Variants in PTPRA observed in about 807,000 individuals in gnomAD.
PTPRA encodes the protein receptor-type tyrosine-protein phosphatase alpha.
In PTPRA, 25 loss-of-function variants were observed where a neutral mutation model predicts 104.8. That is an observed-to-expected ratio of 0.24 (90% CI 0.17 to 0.33). The LOEUF is 0.33. Among genes scored for constraint, PTPRA ranks in the 10% least tolerant of loss-of-function variants. The pLI, the probability that PTPRA is intolerant of heterozygous loss-of-function variation, is 1.00. For synonymous variants in PTPRA, 323 were observed against 368.9 expected (o/e 0.88, Z 1.43); for missense variants, 765 against 1,015.3 (o/e 0.75, Z 3.35).
chr20:2,905,777 T>C (rs1398310575), intron 1 of PTPRA, among the ~76,000 whole-genome samples: 1 of 147,268 alleles, frequency 6.8e-6, no homozygotes, highest in Non-Finnish European at 1.5e-5. Context: ...CTCTGCCTCC[T>C]GGGTTCAAAT....
At chr20:3,000,060 C>T (rs753520265) in intron 9 of PTPRA, among the ~76,000 whole-genome samples, 15 of 151,822 alleles carry the variant, frequency 9.9e-5, no homozygotes, top group African/African-American at 2.4e-4. Flanking sequence ...CTGAGGTAGG[C>T]GGATCACAAG....
intron 2 of PTPRA, among the ~76,000 whole-genome samples, chr20:2,933,561 A>T (rs1429821962): frequency 6.6e-6 from 1 of 151,964 alleles, no homozygotes; most frequent in East Asian, 1.9e-4. Flanking sequence ...TCTGGGGTCA[A>T]ATGATTCTTG....
chr20:2,929,999 G>A (rs1178040), intron 2 of PTPRA, among the ~76,000 whole-genome samples: 96,621 of 151,996 alleles, frequency 0.64, 32,581 homozygotes, highest in East Asian at 0.88. Flanking sequence ...GCCATCTGCA[G>A]GCCAAGGAGA....
intron 1 of PTPRA, among the ~76,000 whole-genome samples, chr20:2,889,367 G>A (rs2058712044): frequency 6.6e-6 from 1 of 152,156 alleles, no homozygotes; most frequent in African/African-American, 2.4e-5. Flanking sequence ...TACACAGTCA[G>A]TCTGTCAGGC....
At chr20:2,887,946 C>G (rs2090471124) in intron 1 of PTPRA, among the ~76,000 whole-genome samples, 1 of 152,180 alleles carries the variant, frequency 6.6e-6, no homozygotes, top group Non-Finnish European at 1.5e-5. Flanking sequence ...CTTCCAGTGC[C>G]TCTTACCTCT....
At chr20:2,898,937 T>C (rs1401461128) in intron 1 of PTPRA, among the ~76,000 whole-genome samples, 4 of 152,260 alleles carry the variant, frequency 2.6e-5, no homozygotes, top group Non-Finnish European at 5.9e-5. Context: ...GGAACCCTGG[T>C]TCCTTTTATT....
At chr20:2,931,980 T>A (rs1253719565) in intron 2 of PTPRA, among the ~76,000 whole-genome samples, 1 of 152,124 alleles carries the variant, frequency 6.6e-6, no homozygotes, top group Non-Finnish European at 1.5e-5. Context: ...ACACATCAAC[T>A]TGAGAATAAG....
At chr20:2,983,568 C>G (rs1019883973) in intron 6 of PTPRA, among the ~76,000 whole-genome samples, 4 of 93,386 alleles carry the variant, frequency 4.3e-5, no homozygotes, top group African/African-American at 1.2e-4. Context: ...AAAAAAAATG[C>G]AAAAAAAAAA....
At chr20:2,974,453 G>C (rs948605339) in intron 5 of PTPRA, among the ~76,000 whole-genome samples, 1 of 150,938 alleles carries the variant, frequency 6.6e-6, no homozygotes, top group African/African-American at 2.4e-5. Flanking sequence ...TTGAAATAGA[G>C]TCTCGCTCTG....
rs1260410717 is a variant in PTPRA, at chr20:2,931,731, TG to T, written c.-50+8447del. ...ACGGGTCTTGGCTTGTGTGTGTGTG[TG>T]TGTGTGTGTGTGTGTAAGAGACTGG... On this transcript the variant is annotated intron_variant, in intron 2 of 23. Coordinates refer to ENST00000399903, the MANE Select transcript of PTPRA (RefSeq NM_001385305.1). Among the ~76,000 whole-genome samples, 4 of 152,000 alleles carry T rather than the reference TG, an allele frequency of 2.6e-5. No individual in the cohort carries two copies. The East Asian group carries it at 7.8e-4, about 29-fold the overall frequency.
intron 6 of PTPRA, among the ~76,000 whole-genome samples, chr20:2,979,712 G>A (rs1483267034): frequency 6.6e-6 from 1 of 151,872 alleles, no homozygotes; most frequent in Non-Finnish European, 1.5e-5. Context: ...TTGTTTGTTT[G>A]TTTGGTAGAG....
chr20:2,876,955 G>T (rs971851051), intron 1 of PTPRA, among the ~76,000 whole-genome samples: 1 of 152,194 alleles, frequency 6.6e-6, no homozygotes, highest in Non-Finnish European at 1.5e-5. Context: ...AGATGTTGAG[G>T]CTCAGAAGGA....
intron 20 of PTPRA, among the ~76,000 whole-genome samples, chr20:3,028,467 C>T (rs57515603): frequency 6.6e-6 from 1 of 152,146 alleles, no homozygotes; most frequent in East Asian, 1.9e-4. Context: ...TCAACTTCCT[C>T]TCAGTATAGG....
chr20:3,022,825 G>A lies in PTPRA; in HGVS notation c.1464+1G>A. The A allele has an allele frequency of 6.2e-7, 1 of 1,614,196 alleles. No individual in the cohort carries two copies. Among genetic ancestry groups the A allele is most frequent in the Middle Eastern group, 1.6e-4 (1 of 6,062 alleles). ...GCGCTGCCAGATGGTGCAAACCGAT[G>A]TGAGTGATCTGTGGGTCAGGTGAGG... On this transcript the variant is annotated splice_donor_variant, in intron 16 of 23. Coordinates refer to ENST00000399903, the MANE Select transcript of PTPRA (RefSeq NM_001385305.1). LOFTEE classifies it high-confidence loss of function. This position sits in a 1 kb window ranked among gnomAD's most constrained non-coding sequence, Gnocchi z 4.6.
At chr20:2,952,337 G>A (rs1440966855) in intron 3 of PTPRA, among the ~76,000 whole-genome samples, 5 of 152,042 alleles carry the variant, frequency 3.3e-5, no homozygotes, top group Non-Finnish European at 5.9e-5. Context: ...CATCTTTCAT[G>A]TGCTTATTTC....
At chr20:3,005,269 C>A in intron 10 of PTPRA, 123 bp downstream of exon 10, 1 of 906,420 alleles carries the variant, frequency 1.1e-6, no homozygotes, top group Non-Finnish European at 1.7e-6. Flanking sequence ...GCGTTCATGG[C>A]AGTACTCAGT....
chr20:2,900,235 G>C (rs920602775), intron 1 of PTPRA, among the ~76,000 whole-genome samples: 4 of 151,746 alleles, frequency 2.6e-5, no homozygotes, highest in African/African-American at 9.7e-5. Flanking sequence ...ATAGCTCACT[G>C]TTGCCTCAAG....
At chr20:3,017,011 C>T (rs920274986) in intron 12 of PTPRA, among the ~76,000 whole-genome samples, 26 of 152,222 alleles carry the variant, frequency 1.7e-4, no homozygotes, top group African/African-American at 2.6e-4. Context: ...TATTCACAGC[C>T]GAAACACACA....
intron 3 of PTPRA, among the ~76,000 whole-genome samples, chr20:2,954,255 T>G (rs1437361145): frequency 6.6e-6 from 1 of 151,958 alleles, no homozygotes; most frequent in Non-Finnish European, 1.5e-5. Context: ...TTTTTTGTAT[T>G]TTTAGTAGAG....
Sources: allele counts gnomAD v4.1 joint callset (sites outside exome capture counted in the v4.1 genomes callset), GRCh38; gene constraint gnomAD v4.1.1; non-coding constraint Gnocchi (gnomAD v3.1); transcripts MANE v1.5; gene names NCBI Gene and HGNC (gene_info 2026-07-23, HGNC 2026-07-21).